The following TRAPPC13 variants were observed in gnomAD, a reference collection of about 807,000 sequenced individuals.
The protein encoded by TRAPPC13 is REV7-interacting novel NHEJ regulator 1.
In TRAPPC13, 39 loss-of-function variants were observed where a neutral mutation model predicts 54.0. That is an observed-to-expected ratio of 0.72 (90% CI 0.56 to 0.94). The LOEUF is 0.94. TRAPPC13 is among the 40% of genes least tolerant of loss of function. The pLI is 0.00. For missense variants in TRAPPC13, 386 were observed against 488.1 expected, an observed-to-expected ratio of 0.79 and a Z score of 1.97; for synonymous variants, 148 against 167.7, an observed-to-expected ratio of 0.88 and a Z score of 0.91.
At position 65,625,117 on chromosome 5, in the gene TRAPPC13, G is replaced by C. The variant is rs1203052925; in HGVS notation, c.46+11G>C. 7.4e-6 allele frequency: 12 copies of C among 1,611,184 alleles called. No individual in the cohort carries two copies. The highest frequency in any genetic ancestry group is 1.0e-5 in the Non-Finnish European group (12 of 1,177,498). On this transcript the variant is annotated intron_variant, in intron 1 of 12. Transcript: ENST00000399438. The stretch of plus-strand genomic sequence containing the variant: ...TGCTGGCGCTAAAAGGTAAACTTTT[G>C]CGAACCTGATTCCCCCTTTTCTGTT...
At chr5:65,627,455 C>T (rs559146622) in intron 1 of TRAPPC13, among the ~76,000 whole-genome samples, 29 of 152,010 alleles carry the variant, frequency 1.9e-4, no homozygotes, top group Non-Finnish European at 4.0e-4. Flanking sequence ...CATTATGAAA[C>T]CCCGTCTCTA....
intron 4 of TRAPPC13, among the ~76,000 whole-genome samples, chr5:65,646,526 T>C (rs1352323530): frequency 6.6e-6 from 1 of 152,226 alleles, no homozygotes. Context: ...CTTCCTTATT[T>C]GTACCTTTTT....
chr5:65,630,298 T>A, intron 1 of TRAPPC13: 2 of 1,530,622 alleles, frequency 1.3e-6, no homozygotes, highest in Non-Finnish European at 1.7e-6. Context: ...CTGGAAAAAT[T>A]AATTTATTTG....
intron 8 of TRAPPC13, among the ~76,000 whole-genome samples, chr5:65,657,213 C>G (rs1471514777): frequency 1.3e-5 from 2 of 151,314 alleles, no homozygotes; most frequent in Admixed American, 1.3e-4. Flanking sequence ...GAAACCCTGT[C>G]TCTACTAAAA....
intron 8 of TRAPPC13, among the ~76,000 whole-genome samples, chr5:65,657,432 A>T (rs916848585): frequency 6.6e-6 from 1 of 152,150 alleles, no homozygotes; most frequent in African/African-American, 2.4e-5. Context: ...AGTTGATTTT[A>T]TGTTATTTAT....
intron 11 of TRAPPC13, chr5:65,662,697 A>G (rs1055572563): frequency 6.6e-5 from 10 of 152,168 alleles, no homozygotes; most frequent in Admixed American, 5.9e-4. Flanking sequence ...TCCTACTTGT[A>G]TTACCACTTG....
chr5:65,661,794 G>T, intron 10 of TRAPPC13: 1 of 309,966 alleles, frequency 3.2e-6, no homozygotes, highest in Non-Finnish European at 5.9e-6. Flanking sequence ...CTACTTACCT[G>T]TGAGATTCAT....
chr5:65,638,338 G>A (rs1755841273), intron 4 of TRAPPC13, among the ~76,000 whole-genome samples: 1 of 152,120 alleles, frequency 6.6e-6, no homozygotes, highest in African/African-American at 2.4e-5. Context: ...AAGCTAAATA[G>A]CAGTTTAGTA....
At chr5:65,653,311 G>A (rs964984675) in intron 7 of TRAPPC13, among the ~76,000 whole-genome samples, 5 of 152,022 alleles carry the variant, frequency 3.3e-5, no homozygotes, top group African/African-American at 1.2e-4. Context: ...TCCAAATACA[G>A]TATTTTGAAA....
chr5:65,627,082 A>AGATTGC (rs899711499), intron 1 of TRAPPC13, among the ~76,000 whole-genome samples: 1 of 130,266 alleles, frequency 7.7e-6, no homozygotes, highest in African/African-American at 2.9e-5. Flanking sequence ...CAGTGAGCTG[A>AGATTGC]GATTGCGCCA....
intron 1 of TRAPPC13, among the ~76,000 whole-genome samples, chr5:65,627,710 T>C (rs1054911397): frequency 6.6e-6 from 1 of 151,830 alleles, no homozygotes; most frequent in Admixed American, 6.6e-5. Flanking sequence ...TATTTTACAA[T>C]GTGAAAGTAT....
Position 65,664,679 on chromosome 5 carries a change from A to G in TRAPPC13, c.*68A>G, listed in dbSNP as rs1218537646. On this transcript the variant is annotated 3_prime_UTR_variant, in exon 13 of 13. Transcript: ENST00000399438. ...CTGCTCTTTTTGTTACCTTTGTAAA[A>G]TGATGACGTCAACAACGAAGTAAAT... The G allele has an allele frequency of 1.8e-5, 20 of 1,128,212 alleles. No homozygotes were observed. The highest frequency in any genetic ancestry group is 2.4e-4 in the Middle Eastern group (1 of 4,116). 69.9% of individuals were successfully genotyped at this position (1,128,212 alleles called of 1,614,324 possible).
At chr5:65,658,611 T>G (rs1253467950) in intron 9 of TRAPPC13, 110 bp downstream of exon 9, 16 of 932,992 alleles carry the variant, frequency 1.7e-5, no homozygotes, top group Non-Finnish European at 2.3e-5. Flanking sequence ...TTTAAAGAAT[T>G]TGAGGTTCAT....
chr5:65,652,665 A>G (rs1561774122), intron 7 of TRAPPC13, 120 bp downstream of exon 7: 1 of 773,056 alleles, frequency 1.3e-6, no homozygotes, highest in Non-Finnish European at 2.3e-6. Context: ...AAATTATTTG[A>G]AAAAATCACA....
intron 1 of TRAPPC13, among the ~76,000 whole-genome samples, chr5:65,626,922 C>G (rs753313138): frequency 2.8e-4 from 43 of 151,858 alleles, no homozygotes; most frequent in Non-Finnish European, 1.6e-4. Context: ...TGGCAGATCA[C>G]TTGAGATCAG....
intron 8 of TRAPPC13, among the ~76,000 whole-genome samples, chr5:65,656,671 G>A (rs976097690): frequency 6.6e-6 from 1 of 152,122 alleles, no homozygotes; most frequent in Admixed American, 6.5e-5. Context: ...ACTTTGGGAG[G>A]CCGAGGCGAG....
intron 5 of TRAPPC13, among the ~76,000 whole-genome samples, chr5:65,650,497 A>G (rs1243457218): frequency 6.6e-6 from 1 of 152,032 alleles, no homozygotes; most frequent in South Asian, 2.1e-4. Flanking sequence ...TCTAGTTTAT[A>G]TGAACTTGTT....
rs532285006 is a variant in TRAPPC13, at chr5:65,653,063, A to T, written c.546+518A>T. ...CTTGGGAAAAACAAATTTGGCAAAAAGAGAAGTAACTTATAATAGAAGATA... is the reference window on the plus strand; with the variant it reads ...CTTGGGAAAAACAAATTTGGCAAAATGAGAAGTAACTTATAATAGAAGATA... On this transcript the variant is annotated intron_variant, in intron 7 of 12. Coordinates refer to ENST00000399438, the MANE Select transcript of TRAPPC13 (RefSeq NM_024941.4). Among the ~76,000 whole-genome samples, 27 of 149,732 alleles carry T rather than the reference A, an allele frequency of 1.8e-4. No individual in the cohort carries two copies. In the South Asian group the frequency reaches 2.7e-3, roughly 15 times the overall value.
At chr5:65,652,144 T>C (rs1380043154) in intron 6 of TRAPPC13, among the ~76,000 whole-genome samples, 1 of 151,922 alleles carries the variant, frequency 6.6e-6, no homozygotes, top group Non-Finnish European at 1.5e-5. Flanking sequence ...ATTACAGGAG[T>C]GAGCCACTGC....
Sources: allele counts gnomAD v4.1 joint callset (sites outside exome capture counted in the v4.1 genomes callset), GRCh38; gene constraint gnomAD v4.1.1; transcripts MANE v1.5; gene names NCBI Gene and HGNC (gene_info 2026-07-23, HGNC 2026-07-21).